The following PFDN1 variants were observed in gnomAD, a reference collection of about 807,000 sequenced individuals.
The protein encoded by PFDN1 is prefoldin subunit 1.
A neutral mutation model predicts 17.3 loss-of-function variants in PFDN1; 6 were observed. The ratio of observed to expected loss-of-function variants is 0.35; its 90% CI spans 0.19 to 0.69. The LOEUF (loss-of-function observed/expected upper bound fraction) is 0.69. PFDN1 is among the 30% of genes least tolerant of loss of function. The pLI, the probability that PFDN1 is intolerant of heterozygous loss-of-function variation, is 0.65. For synonymous variants in PFDN1, 58 were observed against 50.1 expected (o/e 1.16, Z -0.67); for missense variants, 113 against 146.2 (o/e 0.77, Z 1.17).
At chr5:140,250,742 C>T (rs554791426) in intron 3 of PFDN1, among the ~76,000 whole-genome samples, 11 of 152,284 alleles carry the variant, frequency 7.2e-5, no homozygotes, top group African/African-American at 2.6e-4. Flanking sequence ...AATCAAGGAA[C>T]GCCCAACAGA....
At chr5:140,286,969 T>C (rs1372893917) in intron 2 of PFDN1, among the ~76,000 whole-genome samples, 1 of 152,196 alleles carries the variant, frequency 6.6e-6, no homozygotes, top group Non-Finnish European at 1.5e-5. Flanking sequence ...TCAGGTTAAA[T>C]ACCTTGCCCA....
chr5:140,301,790 T>A (rs1373656249), intron 1 of PFDN1, among the ~76,000 whole-genome samples: 2 of 152,236 alleles, frequency 1.3e-5, no homozygotes, highest in African/African-American at 4.8e-5. Context: ...TTTAAATCGG[T>A]ACTTTTAACA....
At position 140,287,758 on chromosome 5, in the gene PFDN1, C is replaced by T. The variant is rs557829363; in HGVS notation, c.201-6225G>A. On this transcript the variant is annotated intron_variant, in intron 2 of 3. Transcript: ENST00000261813. Reference sequence around the variant, plus strand: ...AATTCAACAATAAGAAAACAAACGACCATATTTAAAACAGGCAAAAGATCT... The same window carrying T: ...AATTCAACAATAAGAAAACAAACGATCATATTTAAAACAGGCAAAAGATCT... Among the ~76,000 whole-genome samples the T allele has an allele frequency of 2.0e-4, 31 of 152,232 alleles. No individual in the cohort carries two copies. In the East Asian group the frequency reaches 5.4e-3, roughly 26 times the overall value.
At chr5:140,291,463 A>C (rs565552670) in intron 2 of PFDN1, among the ~76,000 whole-genome samples, 22 of 152,344 alleles carry the variant, frequency 1.4e-4, no homozygotes, top group African/African-American at 4.8e-4. Flanking sequence ...GTTTATAAAC[A>C]GCAAAAATTT....
intron 2 of PFDN1, among the ~76,000 whole-genome samples, chr5:140,291,447 T>A (rs1765579954): frequency 6.6e-6 from 1 of 152,110 alleles, no homozygotes. Flanking sequence ...AGAGAGGAGA[T>A]GGTTTGTTTA....
At chr5:140,266,723 A>G (rs768552241) in intron 3 of PFDN1, among the ~76,000 whole-genome samples, 30 of 152,282 alleles carry the variant, frequency 2.0e-4, no homozygotes, top group Non-Finnish European at 3.1e-4. Flanking sequence ...ATTTGCTCCT[A>G]GTTTTCACAC....
rs530133616 is a variant in PFDN1 at position 140,245,675 on chromosome 5, A to C, written c.*299T>G. 1.3e-4 allele frequency: 87 copies of C among 646,170 alleles called. No individual in the cohort carries two copies. The South Asian group carries it at 1.4e-3, about 10-fold the overall frequency. 40.0% of individuals were successfully genotyped at this position (646,170 alleles called of 1,614,324 possible). On this transcript the variant is annotated 3_prime_UTR_variant, in exon 4 of 4. Transcript: ENST00000261813. Reference sequence around the variant, plus strand: ...TTTTATTGGTCTGGCTGGCGTGCCTAGTGGAAAGCTCAGGCAGAGCTTCCT... The same window carrying C: ...TTTTATTGGTCTGGCTGGCGTGCCTCGTGGAAAGCTCAGGCAGAGCTTCCT...
At chr5:140,260,592 AAAGCTAC>A (rs1486822318) in intron 3 of PFDN1, among the ~76,000 whole-genome samples, 1 of 149,960 alleles carries the variant, frequency 6.7e-6, no homozygotes, top group Non-Finnish European at 1.5e-5. Context: ...CCAGACACAG[AAAGCTAC>A]ATACTAGATG....
At chr5:140,258,963 C>T (rs979291253) in intron 3 of PFDN1, among the ~76,000 whole-genome samples, 1 of 152,012 alleles carries the variant, frequency 6.6e-6, no homozygotes, top group African/African-American at 2.4e-5. Flanking sequence ...AAAGAACATA[C>T]AATAAGAGGA....
intron 3 of PFDN1, among the ~76,000 whole-genome samples, chr5:140,256,656 G>GAAAAAAAAAAAAAAAAAA (rs1764989657): frequency 1.5e-4 from 1 of 6,556 alleles, no homozygotes; most frequent in Non-Finnish European, 3.4e-4. Context: ...AACAAAAAAT[G>GAAAAAAAAAAAAAAAAAA]ACAAAAAAAA....
At chr5:140,288,479 T>A (rs1374839084) in intron 2 of PFDN1, among the ~76,000 whole-genome samples, 1 of 152,204 alleles carries the variant, frequency 6.6e-6, no homozygotes, top group Non-Finnish European at 1.5e-5. Flanking sequence ...GAAACTATAC[T>A]GTATGATAAC....
At chr5:140,299,052 G>C (rs1765696281) in intron 2 of PFDN1, among the ~76,000 whole-genome samples, 1 of 152,042 alleles carries the variant, frequency 6.6e-6, no homozygotes, top group African/African-American at 2.4e-5. Flanking sequence ...TGCCTGGCCA[G>C]AATGAGTGTA....
intron 3 of PFDN1, among the ~76,000 whole-genome samples, chr5:140,258,216 C>G (rs1303074210): frequency 1.3e-5 from 2 of 152,110 alleles, no homozygotes; most frequent in African/African-American, 4.8e-5. Context: ...CAATCTCACT[C>G]AGCTGAAGCA....
chr5:140,259,641 C>A (rs1204044714), intron 3 of PFDN1, among the ~76,000 whole-genome samples: 1 of 152,098 alleles, frequency 6.6e-6, no homozygotes, highest in East Asian at 1.9e-4. Flanking sequence ...TGGAGTTTGG[C>A]CTGTAGGCAT....
intron 1 of PFDN1, among the ~76,000 whole-genome samples, chr5:140,301,078 C>T (rs549688680): frequency 4.6e-4 from 70 of 152,314 alleles, no homozygotes; most frequent in Non-Finnish European, 7.5e-4. Context: ...TTGGCAGTCT[C>T]ATCATCCACA....
chr5:140,255,195 C>A (rs1764966479), intron 3 of PFDN1, among the ~76,000 whole-genome samples: 1 of 152,214 alleles, frequency 6.6e-6, no homozygotes, highest in Non-Finnish European at 1.5e-5. Flanking sequence ...AAATAAATCT[C>A]ATAAGAACTC....
intron 3 of PFDN1, among the ~76,000 whole-genome samples, chr5:140,277,839 TAAC>T (rs1341418491): frequency 2.0e-5 from 3 of 151,890 alleles, no homozygotes; most frequent in East Asian, 3.9e-4. Context: ...AAAGACAAAT[TAAC>T]AACAATTAGA....
chr5:140,276,359 A>T (rs1171604812), intron 3 of PFDN1, among the ~76,000 whole-genome samples: 1 of 152,220 alleles, frequency 6.6e-6, no homozygotes, highest in Non-Finnish European at 1.5e-5. Flanking sequence ...TTCTCAGGAG[A>T]AGTAATTCTA....
chr5:140,250,750 A>T (rs141347183), intron 3 of PFDN1, among the ~76,000 whole-genome samples: 1 of 152,344 alleles, frequency 6.6e-6, no homozygotes, highest in Non-Finnish European at 1.5e-5. Flanking sequence ...AACGCCCAAC[A>T]GAAGAAGCAA....
Sources: gnomAD v4.1 joint callset for allele counts (sites outside exome capture counted in the v4.1 genomes callset) on GRCh38, gnomAD v4.1.1 for gene constraint, MANE v1.5 for transcripts, NCBI Gene and HGNC (gene_info 2026-07-23, HGNC 2026-07-21) for gene names.